The following KHDRBS2 variants were observed in gnomAD, a reference collection of about 807,000 sequenced individuals.
The protein encoded by KHDRBS2 is KH domain-containing, RNA-binding, signal transduction-associated protein 2.
In KHDRBS2, 26 loss-of-function variants were observed where a neutral mutation model predicts 44.3. The observed-to-expected ratio is 0.59, with a 90% CI of 0.43 to 0.81. The LOEUF is 0.81. KHDRBS2 is among the 40% of genes least tolerant of loss of function. KHDRBS2 has a pLI of 0.00. For synonymous variants in KHDRBS2, 194 were observed against 151.1 expected (o/e 1.28, Z -2.08); for missense variants, 476 against 433.1 (o/e 1.10, Z -0.88).
chr6:62,167,904 A>T (rs1199605512), intron 2 of KHDRBS2, among the ~76,000 whole-genome samples: 2 of 152,180 alleles, frequency 1.3e-5, no homozygotes, highest in African/African-American at 4.8e-5. Context: ...TCTGATAACT[A>T]CTTTAAAAGT....
intron 2 of KHDRBS2, among the ~76,000 whole-genome samples, chr6:62,059,428 G>A (rs180891185): frequency 6.1e-4 from 93 of 151,392 alleles, no homozygotes; most frequent in African/African-American, 2.2e-3. Flanking sequence ...GAAGCAGAAT[G>A]ATGACAACAG....
chr6:61,757,430 C>G (rs1778650621), intron 6 of KHDRBS2, among the ~76,000 whole-genome samples: 1 of 152,072 alleles, frequency 6.6e-6, no homozygotes. Context: ...AGTAGGTATA[C>G]TTTTTTGCAT....
chr6:62,060,633 C>CTA (rs57458009), intron 2 of KHDRBS2, among the ~76,000 whole-genome samples: 4,005 of 144,866 alleles, frequency 0.028, 63 homozygotes, highest in Non-Finnish European at 0.031. Context: ...CTCTCTCTCT[C>CTA]TATATATATA....
At position 62,096,033 on chromosome 6, in the gene KHDRBS2, G is replaced by A. The variant is rs150074259; in HGVS notation, c.220-48039C>T. Among the ~76,000 whole-genome samples the A allele has an allele frequency of 2.7e-3, 408 of 151,872 alleles. 3 individuals are homozygous for A. The highest frequency in any genetic ancestry group is 8.7e-3 in the African/African-American group (361 of 41,492). ...TGCTGTATCACATTTATTGATTTGCGTATATTGAACCATACGTATCCCTGG... is the reference window on the plus strand; with the variant it reads ...TGCTGTATCACATTTATTGATTTGCATATATTGAACCATACGTATCCCTGG... On this transcript the variant is annotated intron_variant, in intron 2 of 8. Coordinates refer to ENST00000281156, the MANE Select transcript of KHDRBS2 (RefSeq NM_152688.4).
At chr6:61,838,608 G>T (rs1489042714) in intron 6 of KHDRBS2, among the ~76,000 whole-genome samples, 1 of 151,888 alleles carries the variant, frequency 6.6e-6, no homozygotes, top group Non-Finnish European at 1.5e-5. Flanking sequence ...ATATAAAAGA[G>T]ACACTAGAGC....
chr6:62,070,491 C>T (rs1584501767), intron 2 of KHDRBS2, among the ~76,000 whole-genome samples: 2 of 151,886 alleles, frequency 1.3e-5, no homozygotes, highest in Non-Finnish European at 2.9e-5. Context: ...CCTCCCCCCT[C>T]CTCCCACCCT....
chr6:62,046,520 G>T (rs2134476), intron 3 of KHDRBS2, among the ~76,000 whole-genome samples: 1 of 151,746 alleles, frequency 6.6e-6, no homozygotes, highest in Non-Finnish European at 1.5e-5. Context: ...GTGTGAGACC[G>T]TAAAAACACA....
At chr6:61,660,410 T>C in the KHDRBS2 span, among the ~76,000 whole-genome samples, 2 of 151,914 alleles carry the variant, frequency 1.3e-5, no homozygotes, top group African/African-American at 2.4e-5. Flanking sequence ...TCCTGGGAAA[T>C]GTACTTTCAT....
chr6:61,746,054 T>C (rs1776814696), intron 6 of KHDRBS2, among the ~76,000 whole-genome samples: 1 of 131,214 alleles, frequency 7.6e-6, no homozygotes, highest in Admixed American at 7.4e-5. Context: ...TTTAGTTTAG[T>C]TTAGTTTAGT....
At chr6:61,712,083 C>T (rs923452759) in intron 7 of KHDRBS2, among the ~76,000 whole-genome samples, 1 of 151,640 alleles carries the variant, frequency 6.6e-6, no homozygotes, top group Non-Finnish European at 1.5e-5. Context: ...GAAAATCAGG[C>T]ACATGGGGGA....
intron 4 of KHDRBS2, among the ~76,000 whole-genome samples, chr6:61,937,658 CT>C (rs1297753576): frequency 6.6e-6 from 1 of 152,034 alleles, no homozygotes; most frequent in Non-Finnish European, 1.5e-5. Context: ...TACTTACAGC[CT>C]TGCGCCAGCA....
chr6:61,551,068 C>A, the KHDRBS2 span, among the ~76,000 whole-genome samples: 1 of 151,978 alleles, frequency 6.6e-6, no homozygotes, highest in South Asian at 2.1e-4. Flanking sequence ...GTCACCATGC[C>A]CATCCAAGTT....
intron 1 of KHDRBS2, among the ~76,000 whole-genome samples, chr6:62,201,865 T>TA (rs1292104107): frequency 6.6e-5 from 10 of 152,000 alleles, no homozygotes; most frequent in African/African-American, 2.4e-4. Flanking sequence ...AATTCAAAGT[T>TA]ACGCACGTTC....
chr6:61,770,685 G>A (rs1331817269), intron 6 of KHDRBS2, among the ~76,000 whole-genome samples: 2 of 152,204 alleles, frequency 1.3e-5, no homozygotes, highest in Non-Finnish European at 2.9e-5. Flanking sequence ...ATGGGACTAT[G>A]TGAAAAGACC....
intron 6 of KHDRBS2, among the ~76,000 whole-genome samples, chr6:61,810,162 A>G (rs771437136): frequency 6.6e-6 from 1 of 152,038 alleles, no homozygotes. Context: ...GTGGGTCACC[A>G]GTGAGTGTCC....
intron 6 of KHDRBS2, among the ~76,000 whole-genome samples, chr6:61,739,813 T>C (rs1775896786): frequency 6.6e-6 from 1 of 151,902 alleles, no homozygotes. Context: ...CATTATATGT[T>C]ATTCCCACCA....
At chr6:61,998,610 G>C (rs1777663683) in intron 3 of KHDRBS2, among the ~76,000 whole-genome samples, 1 of 152,002 alleles carries the variant, frequency 6.6e-6, no homozygotes, top group African/African-American at 2.4e-5. Context: ...ACGAGTTCCA[G>C]AAAACATTGT....
chr6:61,927,330 C>A (rs9445643), intron 4 of KHDRBS2, among the ~76,000 whole-genome samples: 24,189 of 151,834 alleles, frequency 0.16, 2,509 homozygotes, highest in East Asian at 0.29. Context: ...TTATTATGAA[C>A]AAGTAACTAT....
rs80166072 is a variant in KHDRBS2, at chr6:61,796,481, T to G, written c.811-63717A>C. On this transcript the variant is annotated intron_variant, in intron 6 of 8. Transcript: ENST00000281156. ...GATTCACATTATGAGAATTTGGTAT[T>G]AATTTCAGAAGGCATATTCTTACAT... is the stretch of plus-strand genomic sequence containing the variant. Among the ~76,000 whole-genome samples, 1,377 of 152,176 alleles carry G rather than the reference T, an allele frequency of 9.0e-3. 10 individuals are homozygous for G. Among genetic ancestry groups the G allele is most frequent in the Middle Eastern group, 0.017 (5 of 294 alleles).
Sources: allele counts gnomAD v4.1 joint callset (sites outside exome capture counted in the v4.1 genomes callset), GRCh38; gene constraint gnomAD v4.1.1; transcripts MANE v1.5; gene names NCBI Gene and HGNC (gene_info 2026-07-23, HGNC 2026-07-21).